SRPK2: variants seen among roughly 807,000 people sequenced by gnomAD.
SRPK2 encodes the protein SFRS protein kinase 2.
In SRPK2, 21 loss-of-function variants were observed where a neutral mutation model predicts 90.8. That is an observed-to-expected ratio of 0.23 (90% CI 0.16 to 0.33). The LOEUF (loss-of-function observed/expected upper bound fraction) is 0.33. SRPK2 is among the 10% of genes least tolerant of loss of function. The probability of loss-of-function intolerance (pLI) is 1.00; values close to 1 mark genes in which losing one functional copy is unlikely to be tolerated. For missense variants in SRPK2, 620 were observed against 869.0 expected, an observed-to-expected ratio of 0.71 and a Z score of 3.60; for synonymous variants, 288 against 311.1, an observed-to-expected ratio of 0.93 and a Z score of 0.78.
chr7:105,168,851 C>T lies in SRPK2; in HGVS notation c.338+306G>A, dbSNP rs199829601. 4.0e-3 allele frequency among the ~76,000 whole-genome samples: 594 copies of T among 150,194 alleles called. 1 individual carries two copies. Among genetic ancestry groups the T allele is most frequent in the Non-Finnish European group, 6.1e-3 (412 of 67,654 alleles). On this transcript the variant is annotated intron_variant, in intron 4 of 15. Transcript: ENST00000393651. ...AAAGTTAAAAATGACTGATTTGAAA[C>T]GCCTATACTATACATTATGTTTGTC...
At chr7:105,362,550 G>C (rs1818556339) in intron 2 of SRPK2, among the ~76,000 whole-genome samples, 2 of 151,216 alleles carry the variant, frequency 1.3e-5, no homozygotes, top group South Asian at 4.2e-4. Flanking sequence ...GGAAACAACA[G>C]GTGCTGGAGA....
At chr7:105,260,880 T>C (rs548613109) in intron 2 of SRPK2, among the ~76,000 whole-genome samples, 11 of 148,902 alleles carry the variant, frequency 7.4e-5, no homozygotes, top group South Asian at 2.2e-4. Flanking sequence ...CTGGAGCCTA[T>C]TGGGGGGTGG....
chr7:105,123,342 C>A (rs375648838), intron 15 of SRPK2, among the ~76,000 whole-genome samples: 1 of 152,154 alleles, frequency 6.6e-6, no homozygotes, highest in Non-Finnish European at 1.5e-5. Flanking sequence ...CCTTAACACA[C>A]AGACCCCACT....
At chr7:105,165,413 T>C (rs1218779964) in intron 6 of SRPK2, among the ~76,000 whole-genome samples, 1 of 152,080 alleles carries the variant, frequency 6.6e-6, no homozygotes. Context: ...CTGGGTCGAG[T>C]GGGGACTTTG....
In SRPK2 at chr7:105,142,299, C is replaced by T; in HGVS notation, c.1252G>A (p.Asp418Asn). Residue 418 changes from aspartate to asparagine, a missense_variant, in exon 11 of 16, where the codon GAC (aspartate) becomes AAC (asparagine). Coordinates refer to ENST00000393651, the MANE Select transcript of SRPK2 (RefSeq NM_182692.3). ...QLDDEDDDEE[D>N]CPNPEEYNLD... ...TTATATTCCTCAGGATTTGGGCAGT[C>T]TTCTTCATCATCATCTTCATCGTCC... 2 of 1,614,070 alleles carry T rather than the reference C, an allele frequency of 1.2e-6. No homozygotes were observed. Among genetic ancestry groups the T allele is most frequent in the Non-Finnish European group, 8.5e-7 (1 of 1,180,002 alleles).
chr7:105,132,868 G>A lies in SRPK2; in HGVS notation c.1675C>T (p.Arg559Cys). 6.2e-7 allele frequency: 1 copy of A among 1,611,792 alleles called. No homozygotes were observed. The highest frequency in any genetic ancestry group is 8.5e-7 in the Non-Finnish European group (1 of 1,178,792). ...AAAACCTCTATGGAGCGGTACTGAC[G>A]CGTCTGGATGTCTTCCGTGAAGTGT... is the stretch of plus-strand genomic sequence containing the variant. ...HKHFTEDIQT[R>C]QYRSIEVLIG... Residue 559 changes from arginine to cysteine, a missense_variant, in exon 13 of 16, where the codon CGT (arginine) becomes TGT (cysteine). This residue lies in a region of SRPK2 where 20 missense variants were observed against 54.3 expected (regional missense o/e 0.37). Coordinates refer to ENST00000393651, the MANE Select transcript of SRPK2 (RefSeq NM_182692.3).
At chr7:105,181,758 T>C (rs761043077) in intron 3 of SRPK2, among the ~76,000 whole-genome samples, 1 of 151,784 alleles carries the variant, frequency 6.6e-6, no homozygotes, top group Non-Finnish European at 1.5e-5. Context: ...AGAAAAAACA[T>C]CTATAGGGCA....
chr7:105,139,001 G>C (rs1803298330), intron 11 of SRPK2, among the ~76,000 whole-genome samples: 1 of 152,170 alleles, frequency 6.6e-6, no homozygotes, highest in African/African-American at 2.4e-5. Flanking sequence ...AATCTATGTG[G>C]AGGATATACA....
Position 105,353,487 on chromosome 7 carries a change from G to A in SRPK2, c.71+35161C>T, listed in dbSNP as rs575332806. 3.0e-4 allele frequency among the ~76,000 whole-genome samples: 45 copies of A among 150,092 alleles called. No homozygotes were observed. The South Asian group carries it at 3.2e-3, about 11-fold the overall frequency. On this transcript the variant is annotated intron_variant, in intron 2 of 15. Transcript: ENST00000393651. ...CCCAAGTAGCTGGGATTACAGGAGC[G>A]TGCCATCCAGCCCAGTTTGTTGTTG...
chr7:105,283,265 C>A (rs1419935631), intron 2 of SRPK2, among the ~76,000 whole-genome samples: 1 of 152,096 alleles, frequency 6.6e-6, no homozygotes, highest in Non-Finnish European at 1.5e-5. Context: ...ACCATATGAC[C>A]CAACAATTCT....
At chr7:105,395,357 AC>A (rs1822292915) in intron 1 of SRPK2, among the ~76,000 whole-genome samples, 1 of 151,826 alleles carries the variant, frequency 6.6e-6, no homozygotes, top group Admixed American at 6.6e-5. Flanking sequence ...TAAAAAAAAA[AC>A]TGAAAGCAAA....
chr7:105,398,534 C>A (rs938523054), intron 1 of SRPK2, among the ~76,000 whole-genome samples: 1 of 152,114 alleles, frequency 6.6e-6, no homozygotes, highest in African/African-American at 2.4e-5. Context: ...CAGGCATATG[C>A]CACCACGCCT....
intron 10 of SRPK2, 50 bp from the exon 11 acceptor site, chr7:105,142,540 C>T (rs559217156): frequency 3.2e-6 from 5 of 1,543,996 alleles, no homozygotes; most frequent in East Asian, 2.2e-5. Context: ...CTCCTTAATA[C>T]AGCCTCATTA....
At chr7:105,244,898 C>T in intron 2 of SRPK2, 2 of 1,466,560 alleles carry the variant, frequency 1.4e-6, no homozygotes. Context: ...CGCACATCCG[C>T]GCCAAGAGGA....
At chr7:105,363,699 A>G (rs1040418949) in intron 2 of SRPK2, among the ~76,000 whole-genome samples, 31 of 152,316 alleles carry the variant, frequency 2.0e-4, no homozygotes, top group African/African-American at 7.2e-4. Context: ...AAGGATTATA[A>G]ATCATGCTAC....
chr7:105,178,070 A>G (rs1311413092), intron 3 of SRPK2, among the ~76,000 whole-genome samples: 1 of 152,046 alleles, frequency 6.6e-6, no homozygotes, highest in Non-Finnish European at 1.5e-5. Context: ...ATTCTTCCTA[A>G]GATTTGACAG....
At chr7:105,216,399 G>A (rs1403737548) in intron 2 of SRPK2, among the ~76,000 whole-genome samples, 1 of 152,058 alleles carries the variant, frequency 6.6e-6, no homozygotes, top group Non-Finnish European at 1.5e-5. Context: ...AGGAAAGGAG[G>A]TAATTTTTTC....
chr7:105,137,423 G>A (rs1001398365), intron 11 of SRPK2, among the ~76,000 whole-genome samples: 1 of 152,136 alleles, frequency 6.6e-6, no homozygotes, highest in Non-Finnish European at 1.5e-5. Flanking sequence ...AGTTCTCTCT[G>A]GACTGCCAGA....
chr7:105,385,157 C>G (rs1177092364), intron 2 of SRPK2, among the ~76,000 whole-genome samples: 1 of 141,122 alleles, frequency 7.1e-6, no homozygotes, highest in African/African-American at 2.6e-5. Context: ...CAGGCGTGAG[C>G]CACCGCGCCC....
Sources: allele counts gnomAD v4.1 joint callset (sites outside exome capture counted in the v4.1 genomes callset), GRCh38; gene constraint gnomAD v4.1.1; regional missense constraint gnomAD v4.1.1; transcripts MANE v1.5; gene names NCBI Gene and HGNC (gene_info 2026-07-23, HGNC 2026-07-21).